Variants in KCNQ1 observed in about 807,000 individuals in gnomAD.
The protein encoded by KCNQ1 is potassium voltage-gated channel subfamily KQT member 1.
Under a neutral mutation model 72.4 loss-of-function variants are expected in KCNQ1, and 49 were observed. The observed-to-expected ratio is 0.68, with a 90% confidence interval of 0.54 to 0.86. KCNQ1 has a LOEUF of 0.86. Among genes scored for constraint, KCNQ1 ranks in the 40% least tolerant of loss-of-function variants. KCNQ1 has a pLI of 0.00. For missense variants in KCNQ1, 790 were observed against 945.1 expected (o/e 0.84, Z 2.15); for synonymous variants, 450 against 412.6 (o/e 1.09, Z -1.10).
In KCNQ1 at chr11:2,830,712, A is replaced by G. The variant is rs1421787522; in HGVS notation, c.1795-17055A>G. Among the ~76,000 whole-genome samples the G allele has an allele frequency of 6.6e-6, 1 of 151,832 alleles. No individual in the cohort carries two copies. Among genetic ancestry groups the G allele is most frequent in the Non-Finnish European group, 1.5e-5 (1 of 67,940 alleles). ...ATTGTGGGCCTTCCCAGGAACCCCC[A>G]CATCTCCGTGGCCCTCAGACCTCTG... On this transcript the variant is annotated intron_variant, in intron 15 of 15. Transcript: ENST00000155840. This position sits in a 1 kb window ranked among gnomAD's most constrained non-coding sequence, Gnocchi z 7.7.
Position 2,527,834 on chromosome 11 carries a change from G to C in KCNQ1, c.387-94G>C, listed in dbSNP as rs577999588. ...GAAGCACTGTCTGTTCCTACCTGGGGGCGGGGCTGAGGCCAGGGGCCCCTC... is the reference window on the plus strand; with the variant it reads ...GAAGCACTGTCTGTTCCTACCTGGGCGCGGGGCTGAGGCCAGGGGCCCCTC... On this transcript the variant is annotated intron_variant, in intron 1 of 15. Transcript: ENST00000155840. The C allele has an allele frequency of 2.0e-5, 20 of 1,022,522 alleles. No homozygotes were observed. The South Asian group carries it at 2.5e-4, about 13-fold the overall frequency. 63.3% of individuals were successfully genotyped at this position (1,022,522 alleles called of 1,614,324 possible).
chr11:2,655,770 C>A, intron 10 of KCNQ1: 1 of 395,976 alleles, frequency 2.5e-6, no homozygotes, highest in South Asian at 1.3e-4. Context: ...CAGCTCTGGT[C>A]ACTGCCTCCC....
chr11:2,692,423 C>T, intron 11 of KCNQ1: 1 of 398,696 alleles, frequency 2.5e-6, no homozygotes, highest in Non-Finnish European at 4.4e-6. Context: ...GACAGACATC[C>T]TTTCAAAGTT....
At chr11:2,649,982 TTTTA>T in intron 10 of KCNQ1, 1 of 398,498 alleles carries the variant, frequency 2.5e-6, no homozygotes, top group Non-Finnish European at 4.4e-6. Flanking sequence ...CTTCATTCTT[TTTTA>T]TTGTTATTTT....
At chr11:2,571,263 C>A (rs1448585772) in intron 3 of KCNQ1, 62 bp from the exon 4 acceptor site, 3 of 1,370,150 alleles carry the variant, frequency 2.2e-6, no homozygotes, top group Non-Finnish European at 3.1e-6. Context: ...AGGGTGTATG[C>A]TCTTCCCTGG....
At chr11:2,650,395 G>A (rs1157898957) in intron 10 of KCNQ1, 1 of 398,580 alleles carries the variant, frequency 2.5e-6, no homozygotes, top group Non-Finnish European at 4.4e-6. Context: ...CCAATTTTAT[G>A]GAGTAGCCTT....
intron 15 of KCNQ1, among the ~76,000 whole-genome samples, chr11:2,802,057 C>T (rs778552758): frequency 5.3e-5 from 8 of 152,216 alleles, no homozygotes; most frequent in South Asian, 2.1e-4. Flanking sequence ...AGCTGCGGAG[C>T]GGGGCGCGGT....
At position 2,713,345 on chromosome 11, in the gene KCNQ1, T is replaced by C. The variant is rs1375321967; in HGVS notation, c.1514+51264T>C. Among the ~76,000 whole-genome samples the C allele has an allele frequency of 6.6e-6, 1 of 152,216 alleles. No homozygotes were observed. Among genetic ancestry groups the C allele is most frequent in the African/African-American group, 2.4e-5 (1 of 41,446 alleles). ...CCTCTGCTGCTCGCCATAAAAACTC[T>C]CCAGTCATCTTTTCCGCTGTGGTTT... On this transcript the variant is annotated intron_variant, in intron 11 of 15. Transcript: ENST00000155840. The surrounding 1 kb of genome is among the most constrained non-coding windows in gnomAD (Gnocchi z 5.6).
At chr11:2,470,664 C>T (rs537525607) in intron 1 of KCNQ1, among the ~76,000 whole-genome samples, 130 of 146,440 alleles carry the variant, frequency 8.9e-4, no homozygotes, top group African/African-American at 3.2e-3. Context: ...CAGGGTTTCT[C>T]TGGGGTTCCC....
At position 2,768,961 on chromosome 11, in the gene KCNQ1, C is replaced by T; in HGVS notation, c.1590+42C>T. On this transcript the variant is annotated intron_variant, in intron 12 of 15. Transcript: ENST00000155840. This position sits in a 1 kb window ranked among gnomAD's most constrained non-coding sequence, Gnocchi z 6.7. Reference sequence around the variant, plus strand: ...GCCTTCCTGCCCTCAGCCTGCCCCTCGCAGCCTGATGCAGCTGCCCACACC... The same window carrying T: ...GCCTTCCTGCCCTCAGCCTGCCCCTTGCAGCCTGATGCAGCTGCCCACACC... 6.7e-7 allele frequency: 1 copy of T among 1,500,452 alleles called. No individual in the cohort carries two copies. The highest frequency in any genetic ancestry group is 9.3e-7 in the Non-Finnish European group (1 of 1,077,298). The allele number at this position is 1,500,452 out of a possible 1,614,324, so 92.9% of individuals were successfully genotyped here.
Position 2,676,115 on chromosome 11 carries a change from C to CA in KCNQ1, c.1514+14034_1514+14035insA. ...TGTGTGTGCATGTACTTAGTAGATACGGCTCCTTTTTATACAAATGGTAGC... is the reference window on the plus strand; with the variant it reads ...TGTGTGTGCATGTACTTAGTAGATACAGGCTCCTTTTTATACAAATGGTAGC... On this transcript the variant is annotated intron_variant, in intron 11 of 15. Transcript: ENST00000155840. This position sits in a 1 kb window ranked among gnomAD's most constrained non-coding sequence, Gnocchi z 4.2. 2.5e-6 allele frequency: 1 copy of CA among 398,506 alleles called. No individual in the cohort carries two copies. The highest frequency in any genetic ancestry group is 4.4e-6 in the Non-Finnish European group (1 of 226,068). 24.7% of individuals were successfully genotyped at this position (398,506 alleles called of 1,614,324 possible). A position where few individuals can be genotyped will look rare whatever the true frequency, so the allele number is the denominator to read the frequency against.
rs778221206 is a variant in KCNQ1, at chr11:2,585,350, T to C, written c.1128+43T>C. 42 of 1,543,348 alleles carry C rather than the reference T, an allele frequency of 2.7e-5. No individual in the cohort carries two copies. The South Asian group carries it at 4.6e-4, about 17-fold the overall frequency. ...CCCTGGTCACTGTCATTTTGGTCAC[T>C]GTTATTGTTGCATCCAGCCCTCACG... On this transcript the variant is annotated intron_variant, in intron 8 of 15. Coordinates refer to ENST00000155840, the MANE Select transcript of KCNQ1 (RefSeq NM_000218.3).
In KCNQ1 at chr11:2,661,712, G is replaced by A; in HGVS notation, c.1394-249G>A. 1 of 610,732 alleles carries A rather than the reference G, an allele frequency of 1.6e-6. No individual in the cohort carries two copies. The highest frequency in any genetic ancestry group is 1.9e-5 in the South Asian group (1 of 52,204). The allele number at this position is 610,732 out of a possible 1,614,324, so 37.8% of individuals were successfully genotyped here. Reference sequence around the variant, plus strand: ...CTTGGACACCTGAGCACAGCCCCAGGCACAGTTACCACTCCGAAGATGATT... The same window carrying A: ...CTTGGACACCTGAGCACAGCCCCAGACACAGTTACCACTCCGAAGATGATT... On this transcript the variant is annotated intron_variant, in intron 10 of 15. Coordinates refer to ENST00000155840, the MANE Select transcript of KCNQ1 (RefSeq NM_000218.3). This position sits in a 1 kb window ranked among gnomAD's most constrained non-coding sequence, Gnocchi z 5.9.
At chr11:2,496,581 G>A (rs905037824) in intron 1 of KCNQ1, among the ~76,000 whole-genome samples, 19 of 109,858 alleles carry the variant, frequency 1.7e-4, no homozygotes, top group Admixed American at 8.5e-4. Context: ...GTGTGTCTTT[G>A]CACATGAGAT....
In KCNQ1 at chr11:2,703,057, G is replaced by C. The variant is rs952822710; in HGVS notation, c.1514+40976G>C. ...GGCGACAAGAGACACGTGGGAATTGGCTAGAGAAGCATGTGAGGCTGGGCG... is the reference window on the plus strand; with the variant it reads ...GGCGACAAGAGACACGTGGGAATTGCCTAGAGAAGCATGTGAGGCTGGGCG... On this transcript the variant is annotated intron_variant, in intron 11 of 15. Transcript: ENST00000155840. This position sits in a 1 kb window ranked among gnomAD's most constrained non-coding sequence, Gnocchi z 6.4. Among the ~76,000 whole-genome samples the C allele has an allele frequency of 1.4e-4, 21 of 152,310 alleles. No homozygotes were observed. The highest frequency in any genetic ancestry group is 3.4e-3 in the Middle Eastern group (1 of 294).
At chr11:2,655,151 C>G in intron 10 of KCNQ1, 1 of 398,622 alleles carries the variant, frequency 2.5e-6, no homozygotes, top group Non-Finnish European at 4.4e-6. Flanking sequence ...GGATGCTGTG[C>G]TGAGTTTGAT....
At chr11:2,649,415 A>T (rs1849723828) in intron 10 of KCNQ1, 1 of 398,308 alleles carries the variant, frequency 2.5e-6, no homozygotes, top group Non-Finnish European at 4.4e-6. Flanking sequence ...GGTAGATATC[A>T]TCCTCCTACT....
chr11:2,609,151 A>G, intron 10 of KCNQ1: 1 of 398,242 alleles, frequency 2.5e-6, no homozygotes, highest in Middle Eastern at 6.3e-4. Context: ...TTTTTGATAT[A>G]GGCATTCATA....
At position 2,824,106 on chromosome 11, in the gene KCNQ1, A is replaced by G. The variant is rs1168874301; in HGVS notation, c.1795-23661A>G. On this transcript the variant is annotated intron_variant, in intron 15 of 15. Transcript: ENST00000155840. The surrounding 1 kb of genome is among the most constrained non-coding windows in gnomAD (Gnocchi z 5.9). ...CAAACACCTTGACACACACCGTCACACACACCCATATTCGACACACACATT... is the reference window on the plus strand; with the variant it reads ...CAAACACCTTGACACACACCGTCACGCACACCCATATTCGACACACACATT... Among the ~76,000 whole-genome samples, 1 of 152,126 alleles carries G rather than the reference A, an allele frequency of 6.6e-6. No homozygotes were observed. Among genetic ancestry groups the G allele is most frequent in the Non-Finnish European group, 1.5e-5 (1 of 68,016 alleles).
Sources: allele counts gnomAD v4.1 joint callset (sites outside exome capture counted in the v4.1 genomes callset), GRCh38; gene constraint gnomAD v4.1.1; non-coding constraint Gnocchi (gnomAD v3.1); transcripts MANE v1.5; gene names NCBI Gene and HGNC (gene_info 2026-07-23, HGNC 2026-07-21).